MBNL1: variants seen among roughly 807,000 people sequenced by gnomAD.
The protein encoded by MBNL1 is muscleblind-like protein 1.
Under a neutral mutation model 42.2 loss-of-function variants are expected in MBNL1, and 8 were observed. That is an observed-to-expected ratio of 0.19 (90% CI 0.11 to 0.34). The LOEUF (loss-of-function observed/expected upper bound fraction) is 0.34. Ranked by LOEUF, MBNL1 falls within the 10% of genes least tolerant of loss-of-function variation. MBNL1 has a pLI of 1.00. For missense variants in MBNL1, 309 were observed against 495.3 expected, an observed-to-expected ratio of 0.62 and a Z score of 3.57; for synonymous variants, 169 against 173.9, an observed-to-expected ratio of 0.97 and a Z score of 0.22.
rs748355736 is a variant in MBNL1, at chr3:152,362,333, A to G, written c.175-52608A>G. On this transcript the variant is annotated intron_variant, in intron 2 of 9. Transcript: ENST00000324210. ...CTGCAGGGATCTTGTCAGAGACAGC[A>G]CTAGTAGGGGTGGTTTGCGCAGATG... 3.0e-4 allele frequency among the ~76,000 whole-genome samples: 46 copies of G among 152,276 alleles called. 1 individual carries two copies. Among genetic ancestry groups the G allele is most frequent in the Admixed American group, 5.9e-4 (9 of 15,284 alleles).
chr3:152,432,872 A>G lies in MBNL1; in HGVS notation c.501A>G (p.Ala167=). The G allele has an allele frequency of 6.2e-7, 1 of 1,612,972 alleles. No individual in the cohort carries two copies. Among genetic ancestry groups the G allele is most frequent in the Non-Finnish European group, 8.5e-7 (1 of 1,178,958 alleles). Residue 167 remains alanine, a synonymous_variant, in exon 4 of 10, where the codon GCA becomes GCG. Transcript: ENST00000324210. ...GGAATCCGGGTGTCCCTGTACCTGCAGCTGCTGCAGCTGCTGCACAGAAAT... is the reference window on the plus strand; with the variant it reads ...GGAATCCGGGTGTCCCTGTACCTGCGGCTGCTGCAGCTGCTGCACAGAAAT... The part of the protein sequence containing the change: ...VTGNPGVPVP[A]AAAAAAQKLM...
intron 2 of MBNL1, among the ~76,000 whole-genome samples, chr3:152,391,430 CTA>C (rs1476007319): frequency 1.3e-5 from 2 of 152,160 alleles, no homozygotes. Context: ...GACCTTCTTT[CTA>C]TGTTTTCGTT....
intron 2 of MBNL1, chr3:152,396,112 C>T (rs774676796): frequency 4.2e-5 from 12 of 288,548 alleles, no homozygotes; most frequent in Middle Eastern, 1.2e-3. Context: ...AGGTTGGAGA[C>T]GCTTTATGAG....
chr3:152,403,785 TG>T (rs1293991040), intron 2 of MBNL1, among the ~76,000 whole-genome samples: 1 of 152,078 alleles, frequency 6.6e-6, no homozygotes, highest in Non-Finnish European at 1.5e-5. Context: ...AAACATGTTC[TG>T]GGCTCATGAG....
chr3:152,357,992 G>GGT (rs10694488), intron 2 of MBNL1, among the ~76,000 whole-genome samples: 52,097 of 151,044 alleles, frequency 0.34, 9,416 homozygotes, highest in East Asian at 0.48. Flanking sequence ...AAGTTAGAAG[G>GGT]GTGTGTGTGT....
chr3:152,250,160 T>G (rs1382392116), intron 2 of MBNL1, among the ~76,000 whole-genome samples: 6 of 151,910 alleles, frequency 3.9e-5, no homozygotes, highest in African/African-American at 1.5e-4. Flanking sequence ...GTGAAGAAAG[T>G]CATTGGTAGC....
chr3:152,422,570 G>A (rs891070089), intron 3 of MBNL1, among the ~76,000 whole-genome samples: 1 of 152,168 alleles, frequency 6.6e-6, no homozygotes, highest in Non-Finnish European at 1.5e-5. Flanking sequence ...GGATATTCAG[G>A]AATTGAACTC....
At chr3:152,395,149 G>A (rs571265919) in intron 2 of MBNL1, among the ~76,000 whole-genome samples, 6 of 152,228 alleles carry the variant, frequency 3.9e-5, no homozygotes, top group East Asian at 1.9e-4. Context: ...GTGAGCTACC[G>A]TGCCCGGCCT....
intron 8 of MBNL1, chr3:152,458,208 A>G: frequency 1.2e-6 from 2 of 1,612,870 alleles, no homozygotes; most frequent in South Asian, 2.2e-5. Flanking sequence ...GAGAAGCTTC[A>G]TTATGCTTGG....
chr3:152,398,510 GT>G (rs2098084739), intron 2 of MBNL1, among the ~76,000 whole-genome samples: 2 of 152,128 alleles, frequency 1.3e-5, no homozygotes, highest in Non-Finnish European at 2.9e-5. Flanking sequence ...AATATGGAGT[GT>G]ATGTGTGTTA....
intron 2 of MBNL1, among the ~76,000 whole-genome samples, chr3:152,308,368 A>G (rs534378660): frequency 1.3e-5 from 2 of 152,288 alleles, no homozygotes; most frequent in African/African-American, 2.4e-5. Flanking sequence ...TGCCTAGTGC[A>G]GGGGAGGTGG....
chr3:152,367,326 C>T (rs1409810056), intron 2 of MBNL1, among the ~76,000 whole-genome samples: 1 of 152,056 alleles, frequency 6.6e-6, no homozygotes, highest in African/African-American at 2.4e-5. Context: ...TGGTTTCCAG[C>T]TTCATCCATG....
chr3:152,256,572 C>G (rs1016472276), intron 2 of MBNL1, among the ~76,000 whole-genome samples: 1 of 152,042 alleles, frequency 6.6e-6, no homozygotes, highest in Non-Finnish European at 1.5e-5. Flanking sequence ...AATTATATTC[C>G]CTATGATTTA....
intron 1 of MBNL1, among the ~76,000 whole-genome samples, chr3:152,294,339 A>G (rs2057572584): frequency 7.0e-6 from 1 of 141,904 alleles, no homozygotes; most frequent in South Asian, 2.2e-4. Context: ...GCTGGAGTGC[A>G]GTGGTGTGAT....
At chr3:152,284,434 C>T (rs897836417) in intron 1 of MBNL1, among the ~76,000 whole-genome samples, 6 of 151,904 alleles carry the variant, frequency 3.9e-5, no homozygotes, top group African/African-American at 1.5e-4. Context: ...TAGAGAACAG[C>T]TTTAGTACAT....
At chr3:152,379,891 A>G (rs2153391325) in intron 2 of MBNL1, among the ~76,000 whole-genome samples, 2 of 152,246 alleles carry the variant, frequency 1.3e-5, no homozygotes, top group East Asian at 3.9e-4. Context: ...GAGGCTATTT[A>G]TATAGGATGT....
intron 2 of MBNL1, among the ~76,000 whole-genome samples, chr3:152,311,311 G>A (rs2066341783): frequency 1.3e-5 from 2 of 151,878 alleles, no homozygotes; most frequent in Admixed American, 6.5e-5. Context: ...CCAGCTCAAG[G>A]CATTATTTTA....
rs571435993 is a variant in MBNL1 at position 152,396,596 on chromosome 3, C to T, written c.175-18345C>T. The stretch of plus-strand genomic sequence containing the variant: ...GCTCCACTCCTAGTCTGTCTTTCCT[C>T]TGCATTTTTTCCACCCTGGTTTCAC... On this transcript the variant is annotated intron_variant, in intron 2 of 9. Transcript: ENST00000324210. Among the ~76,000 whole-genome samples, 4 of 152,300 alleles carry T rather than the reference C, an allele frequency of 2.6e-5. No individual in the cohort carries two copies. In the South Asian group the frequency reaches 8.3e-4, roughly 32 times the overall value.
At chr3:152,360,497 C>G (rs1279535312) in intron 2 of MBNL1, among the ~76,000 whole-genome samples, 4 of 152,102 alleles carry the variant, frequency 2.6e-5, no homozygotes, top group Non-Finnish European at 4.4e-5. Flanking sequence ...CTGTCCCCAT[C>G]TCTCTCTGTC....
Sources: allele counts gnomAD v4.1 joint callset (sites outside exome capture counted in the v4.1 genomes callset), GRCh38; gene constraint gnomAD v4.1.1; transcripts MANE v1.5; gene names NCBI Gene and HGNC (gene_info 2026-07-23, HGNC 2026-07-21).